DPP6: variants seen among roughly 807,000 people sequenced by gnomAD.
DPP6 encodes the protein A-type potassium channel modulatory protein DPP6.
A neutral mutation model predicts 122.6 loss-of-function variants in DPP6; 69 were observed. The ratio of observed to expected loss-of-function variants is 0.56; its 90% confidence interval spans 0.46 to 0.69. The LOEUF is 0.69. Among genes scored for constraint, DPP6 ranks in the 30% least tolerant of loss-of-function variants. The pLI is 0.00. For missense variants in DPP6, 928 were observed against 1,116.9 expected (o/e 0.83, Z 2.41); for synonymous variants, 418 against 433.1 (o/e 0.97, Z 0.43).
chr7:153,995,678 GA>G (rs200246943), intron 1 of DPP6, among the ~76,000 whole-genome samples: 4 of 149,682 alleles, frequency 2.7e-5, no homozygotes, highest in Admixed American at 1.3e-4. Flanking sequence ...CCTTCAACTA[GA>G]AAAAAAAATT....
At chr7:154,864,178 A>AAAT (rs2150610217) in intron 17 of DPP6, among the ~76,000 whole-genome samples, 1 of 152,324 alleles carries the variant, frequency 6.6e-6, no homozygotes, top group South Asian at 2.1e-4. Flanking sequence ...TTTCTTGTAG[A>AAAT]AATGTGAGAA....
At chr7:153,752,615 T>C in the DPP6 span, among the ~76,000 whole-genome samples, 1 of 147,244 alleles carries the variant, frequency 6.8e-6, no homozygotes, top group African/African-American at 2.5e-5. Context: ...TCCCAGAGGG[T>C]ATGAGTAGGA....
intron 1 of DPP6, among the ~76,000 whole-genome samples, chr7:153,960,117 A>G (rs1169498202): frequency 3.9e-5 from 6 of 152,156 alleles, no homozygotes; most frequent in African/African-American, 1.4e-4. Flanking sequence ...TAGATATCTG[A>G]TATCACTTAG....
At chr7:154,779,915 AT>A (rs1311230032) in intron 10 of DPP6, among the ~76,000 whole-genome samples, 1 of 151,964 alleles carries the variant, frequency 6.6e-6, no homozygotes, top group East Asian at 1.9e-4. Context: ...TTGTGTTCCA[AT>A]TTTTTTTGGA....
chr7:154,148,023 C>A (rs1425424490), intron 1 of DPP6, among the ~76,000 whole-genome samples: 2 of 150,410 alleles, frequency 1.3e-5, no homozygotes, highest in African/African-American at 5.0e-5. Context: ...GGATCACGTC[C>A]GAGACCAGCA....
intron 8 of DPP6, among the ~76,000 whole-genome samples, chr7:154,746,444 C>G (rs1157317672): frequency 6.6e-6 from 1 of 152,132 alleles, no homozygotes; most frequent in East Asian, 1.9e-4. Flanking sequence ...GTCCTTCCAT[C>G]GTGAGGTCTG....
At chr7:154,885,918 G>GT (rs1806114980) in intron 22 of DPP6, among the ~76,000 whole-genome samples, 174 bp downstream of exon 22, 12 of 152,186 alleles carry the variant, frequency 7.9e-5, no homozygotes, top group Non-Finnish European at 1.6e-4. Flanking sequence ...AGAGGGAAGG[G>GT]TCTCAGGTAA....
intron 1 of DPP6, among the ~76,000 whole-genome samples, chr7:154,255,690 A>G (rs76916989): frequency 1.5e-3 from 223 of 152,322 alleles, no homozygotes; most frequent in Admixed American, 8.2e-3. Flanking sequence ...TGGTCGGTCA[A>G]TCCTGTCATA....
In DPP6 at chr7:154,606,511, C is replaced by T. The variant is rs1207960895; in HGVS notation, c.628-31310C>T. ...TGTTTACCTAACCCTTACTTTACAC[C>T]TTTCTTGGCCCTTATGATTTAATTA... On this transcript the variant is annotated intron_variant, in intron 5 of 25. Coordinates refer to ENST00000377770, the MANE Select transcript of DPP6 (RefSeq NM_130797.4). 1.7e-5 allele frequency among the ~76,000 whole-genome samples: 2 copies of T among 120,288 alleles called. 1 individual carries two copies. Among genetic ancestry groups the T allele is most frequent in the South Asian group, 6.8e-4 (2 of 2,962 alleles). 78.9% of individuals were successfully genotyped at this position (120,288 alleles called of 152,430 possible).
At chr7:154,096,997 C>T (rs954749432) in intron 1 of DPP6, among the ~76,000 whole-genome samples, 1 of 152,214 alleles carries the variant, frequency 6.6e-6, no homozygotes, top group Non-Finnish European at 1.5e-5. Context: ...GGGTATTCAC[C>T]GTGTGCTCCC....
rs897847191 is a variant in DPP6, at chr7:154,335,667, G to A, written c.244-110547G>A. On this transcript the variant is annotated intron_variant, in intron 1 of 25. Transcript: ENST00000377770. ...CAGGAACCTGAGTGCTGTGTGCCAC[G>A]CTGCACATCAGAGGTTGCAAGATGT... Among the ~76,000 whole-genome samples the A allele has an allele frequency of 5.3e-5, 8 of 152,160 alleles. No homozygotes were observed. The South Asian group carries it at 8.3e-4, about 16-fold the overall frequency.
chr7:154,893,067 T>G lies in DPP6; in HGVS notation c.*587T>G. On this transcript the variant is annotated 3_prime_UTR_variant, in exon 26 of 26. Coordinates refer to ENST00000377770, the MANE Select transcript of DPP6 (RefSeq NM_130797.4). ...ACTGTAGCTACGCTAATGGTTAACC[T>G]GATAGAATTAACTCGTATTTTTCTA... 3 of 431,140 alleles carry G rather than the reference T, an allele frequency of 7.0e-6. No individual in the cohort carries two copies. The highest frequency in any genetic ancestry group is 5.3e-5 in the South Asian group (3 of 57,038). The allele number at this position is 431,140 out of a possible 1,614,324, so 26.7% of individuals were successfully genotyped here.
chr7:154,541,062 G>A (rs192653250), intron 4 of DPP6, among the ~76,000 whole-genome samples: 207 of 152,312 alleles, frequency 1.4e-3, no homozygotes, highest in Middle Eastern at 0.01. Context: ...GGATGCTTAT[G>A]CCTCAAAGTA....
At chr7:154,008,215 A>G (rs1383274704) in intron 1 of DPP6, among the ~76,000 whole-genome samples, 3 of 152,152 alleles carry the variant, frequency 2.0e-5, no homozygotes, top group Non-Finnish European at 2.9e-5. Flanking sequence ...GTGACTTGCA[A>G]AAGTCCACAC....
intron 16 of DPP6, among the ~76,000 whole-genome samples, chr7:154,813,377 C>T (rs1173107590): frequency 3.3e-5 from 5 of 152,094 alleles, no homozygotes; most frequent in African/African-American, 1.2e-4. Flanking sequence ...GCCACCGTGC[C>T]TGGCCAATTC....
At chr7:154,095,954 G>A (rs1407449581) in intron 1 of DPP6, 1 of 135,204 alleles carries the variant, frequency 7.4e-6, no homozygotes, top group Non-Finnish European at 1.6e-5. Context: ...AGTCCCAGGT[G>A]AGAGCTAAGT....
intron 18 of DPP6, among the ~76,000 whole-genome samples, chr7:154,868,609 G>A (rs970024292): frequency 1.3e-5 from 2 of 152,126 alleles, no homozygotes; most frequent in Admixed American, 6.5e-5. Flanking sequence ...CCAGTCATTC[G>A]GTAAGTTCTC....
intron 1 of DPP6, among the ~76,000 whole-genome samples, chr7:154,153,223 T>C (rs1444839358): frequency 6.6e-6 from 1 of 152,234 alleles, no homozygotes; most frequent in Non-Finnish European, 1.5e-5. Context: ...GGAGTTTTGC[T>C]TGCCCAGGCT....
chr7:153,987,094 A>G (rs1438945092), intron 1 of DPP6, among the ~76,000 whole-genome samples: 1 of 152,150 alleles, frequency 6.6e-6, no homozygotes, highest in Non-Finnish European at 1.5e-5. Context: ...TCGAGATGTT[A>G]TTTATTATTT....
Sources: allele counts gnomAD v4.1 joint callset (sites outside exome capture counted in the v4.1 genomes callset), GRCh38; gene constraint gnomAD v4.1.1; transcripts MANE v1.5; gene names NCBI Gene and HGNC (gene_info 2026-07-23, HGNC 2026-07-21).